ZNF182: variants seen among roughly 807,000 people sequenced by gnomAD.
ZNF182 encodes the protein zinc finger protein 21 (KOX 14).
A neutral mutation model predicts 28.1 loss-of-function variants in ZNF182; 10 were observed. The observed-to-expected ratio is 0.36, with a 90% CI of 0.22 to 0.60. ZNF182 has a LOEUF of 0.60. Among genes scored for constraint, ZNF182 ranks in the 20% least tolerant of loss-of-function variants. The probability of loss-of-function intolerance (pLI) is 0.75; values close to 1 mark genes in which losing one functional copy is unlikely to be tolerated. For missense variants in ZNF182, 352 were observed against 453.2 expected (o/e 0.78, Z 2.03); for synonymous variants, 156 against 158.7 (o/e 0.98, Z 0.13).
At chrX:47,978,982 G>A (rs782598466) in intron 5 of ZNF182, among the ~76,000 whole-genome samples, 2 of 112,229 alleles carry the variant, frequency 1.8e-5, no homozygotes, top group Non-Finnish European at 3.8e-5. Flanking sequence ...TTCTTTCTTA[G>A]TGGTATGTCT....
At chrX:47,981,478 C>T (rs2058905365) in intron 5 of ZNF182, among the ~76,000 whole-genome samples, 1 of 112,589 alleles carries the variant, frequency 8.9e-6, no homozygotes, top group Non-Finnish European at 1.9e-5. Context: ...TTGGATGATG[C>T]TACAAAATCA....
At chrX:47,991,352 C>T (rs781938989) in intron 3 of ZNF182, among the ~76,000 whole-genome samples, 4 of 111,961 alleles carry the variant, frequency 3.6e-5, no homozygotes, top group Non-Finnish European at 7.5e-5. Flanking sequence ...GCCTCCACAG[C>T]TGTGAGAACA....
At chrX:47,977,941 C>T (rs2058892070) in intron 5 of ZNF182, 144 bp from the exon 6 acceptor site, 1 of 516,851 alleles carries the variant, frequency 1.9e-6, no homozygotes, top group Admixed American at 4.9e-5. Context: ...TAAACTCTCA[C>T]CTGCTGGTCT....
At chrX:47,983,891 T>C (rs1253384291) in intron 3 of ZNF182, among the ~76,000 whole-genome samples, 1 of 111,885 alleles carries the variant, frequency 8.9e-6, no homozygotes, top group Non-Finnish European at 1.9e-5. Flanking sequence ...GAAAATGTTT[T>C]CATAAGCTTT....
At chrX:47,992,597 G>A (rs782585400) in intron 3 of ZNF182, among the ~76,000 whole-genome samples, 9 of 110,800 alleles carry the variant, frequency 8.1e-5, no homozygotes, top group Admixed American at 1.9e-4. Flanking sequence ...CTGTCCCCCC[G>A]TGCCCCTCTC....
chrX:47,984,883 C>T (rs1238316263), intron 3 of ZNF182, among the ~76,000 whole-genome samples: 1 of 111,827 alleles, frequency 8.9e-6, no homozygotes, highest in Non-Finnish European at 1.9e-5. Context: ...TAAAAAGATG[C>T]TCAACATCAT....
At chrX:47,992,732 T>C (rs950525882) in intron 3 of ZNF182, among the ~76,000 whole-genome samples, 1 of 111,433 alleles carries the variant, frequency 9.0e-6, no homozygotes, top group Non-Finnish European at 1.9e-5. Context: ...TGACTTTCTG[T>C]GTTCTGTTGA....
intron 3 of ZNF182, among the ~76,000 whole-genome samples, chrX:47,997,478 A>G (rs952874516): frequency 1.8e-5 from 2 of 110,405 alleles, no homozygotes; most frequent in Non-Finnish European, 3.8e-5. Context: ...CTCATCCAGG[A>G]TAATGAATGA....
At position 47,977,774 on chromosome X, in the gene ZNF182, T is replaced by C. The variant is rs1556898547; in HGVS notation, c.256A>G (p.Ile86Val). The part of the protein sequence containing the change: ...FPEVCQVDEQ[I>V]ERQHQDDQDK... ...TGGTCATCCTGATGTTGCCTCTCAA[T>C]CTGTTCATCAACTTGACAGACTTCT... The change falls in exon 6 of 6, where the codon ATT (isoleucine) becomes GTT (valine). Residue 86 changes from isoleucine to valine, a missense_variant. Physicochemically the swap from Ile to Val is conservative, Grantham distance 29 (BLOSUM62 3). Coordinates refer to ENST00000376943, the MANE Select transcript of ZNF182 (RefSeq NM_001007088.2). 2.5e-6 allele frequency: 3 copies of C among 1,186,314 alleles called. No individual in the cohort carries two copies. In the African/African-American group the frequency reaches 5.3e-5, roughly 21 times the overall value.
chrX:47,984,422 C>T (rs1344415086), intron 3 of ZNF182, among the ~76,000 whole-genome samples: 3 of 111,321 alleles, frequency 2.7e-5, no homozygotes, highest in Non-Finnish European at 5.7e-5. Flanking sequence ...AGGTACACAT[C>T]TTAGAGAAAA....
rs372734413 is a variant in ZNF182, at chrX:47,979,866, G to GGGGT, written c.233-2070_233-2069insACCC. On this transcript the variant is annotated intron_variant, in intron 5 of 5. Coordinates refer to ENST00000376943, the MANE Select transcript of ZNF182 (RefSeq NM_001007088.2). ...TGAAGGGTTTTTAAAGTGTGTGTGG[G>GGGGT]GTGTGTGTGTGTGTGTGTGTGTGTG... is the stretch of plus-strand genomic sequence containing the variant. 3.1e-4 allele frequency among the ~76,000 whole-genome samples: 28 copies of GGGGT among 89,784 alleles called. No homozygotes were observed. The South Asian group carries it at 3.8e-3, about 12-fold the overall frequency. 78.0% of individuals were successfully genotyped at this position (89,784 alleles called of 115,157 possible).
chrX:47,995,844 G>A (rs1013349056), intron 3 of ZNF182, among the ~76,000 whole-genome samples: 2 of 112,553 alleles, frequency 1.8e-5, no homozygotes, highest in African/African-American at 6.5e-5. Context: ...TGCAGAAGAA[G>A]TGGAACAGCA....
intron 3 of ZNF182, 131 bp downstream of exon 3, chrX:48,002,464 T>C (rs1420774354): frequency 1.0e-6 from 1 of 958,255 alleles, no homozygotes; most frequent in Non-Finnish European, 1.5e-6. Flanking sequence ...TTGGCCTTGA[T>C]CTGTTGTCTC....
intron 3 of ZNF182, among the ~76,000 whole-genome samples, chrX:47,987,332 A>G (rs1416750689): frequency 8.9e-6 from 1 of 112,270 alleles, no homozygotes; most frequent in Non-Finnish European, 1.9e-5. Context: ...TGATTCGAGA[A>G]GGCTAAAAGT....
rs1405677751 is a variant in ZNF182 at position 47,976,664 on chromosome X, G to A, written c.1366C>T (p.Leu456=). Residue 456 remains leucine, a synonymous_variant, in exon 6 of 6, where the codon CTG becomes TTG. Coordinates refer to ENST00000376943, the MANE Select transcript of ZNF182 (RefSeq NM_001007088.2). ...TCTCCTGTATGACCTCTCTGATGCA[G>A]CATGAGGTAGGACTTCTGAGAGAAG... ...KAFSQKSYLM[L]HQRGHTGEKP... 1 of 1,205,883 alleles carries A rather than the reference G, an allele frequency of 8.3e-7. No homozygotes were observed. The highest frequency in any genetic ancestry group is 1.8e-5 in the African/African-American group (1 of 57,056).
intron 3 of ZNF182, among the ~76,000 whole-genome samples, chrX:47,983,965 G>A (rs955548497): frequency 8.9e-6 from 1 of 111,762 alleles, no homozygotes; most frequent in African/African-American, 3.3e-5. Context: ...AAAGACAAGT[G>A]TTATAAGATC....
At position 47,977,587 on chromosome X, in the gene ZNF182, ATAT is replaced by A; in HGVS notation, c.440_442del (p.Asn147del). The A allele has an allele frequency of 5.0e-6, 6 of 1,207,073 alleles. No individual in the cohort carries two copies. Among genetic ancestry groups the A allele is most frequent in the Non-Finnish European group, 6.7e-6 (6 of 892,918 alleles). ...ACTAAATAAGTCTAAATTATCTACCATATTATTTCCAAATGATTCGTGTTTATC... is the reference window on the plus strand; with the variant it reads ...ACTAAATAAGTCTAAATTATCTACCATATTTCCAAATGATTCGTGTTTATC... On this transcript the variant is annotated inframe_deletion, in exon 6 of 6. Transcript: ENST00000376943.
intron 3 of ZNF182, among the ~76,000 whole-genome samples, chrX:47,986,267 C>T (rs1426384803): frequency 8.9e-6 from 1 of 112,533 alleles, no homozygotes; most frequent in Non-Finnish European, 1.9e-5. Context: ...GTTGCAGAAA[C>T]GAGGACTGTA....
At position 47,977,636 on chromosome X, in the gene ZNF182, C is replaced by T. The variant is rs367641430; in HGVS notation, c.394G>A (p.Val132Ile). Residue 132 changes from valine (V) to isoleucine (I), a missense_variant, in exon 6 of 6, where the codon GTT (valine) becomes ATT (isoleucine). By Grantham distance (29) the Val-to-Ile change is conservative (BLOSUM62 3). Transcript: ENST00000376943. ...TTATCGGGTCTTTGTATTGAAGCAA[C>T]AAGGTTTGTACTCAGATGAAGTATG... The part of the protein sequence containing the change: ...GNILHLSTNL[V>I]ASIQRPDKHE... 8.3e-7 allele frequency: 1 copy of T among 1,209,319 alleles called. No individual in the cohort carries two copies. The highest frequency in any genetic ancestry group is 1.1e-6 in the Non-Finnish European group (1 of 894,639).
Sources: allele counts gnomAD v4.1 joint callset (sites outside exome capture counted in the v4.1 genomes callset), GRCh38; gene constraint gnomAD v4.1.1; transcripts MANE v1.5; gene names NCBI Gene and HGNC (gene_info 2026-07-23, HGNC 2026-07-21).